UNC13C: variants seen among roughly 807,000 people sequenced by gnomAD.
UNC13C encodes protein unc-13 homolog C.
UNC13C carries 174 observed loss-of-function variants against 245.4 expected under a neutral mutation model. That is an observed-to-expected ratio of 0.71 (90% confidence interval 0.63 to 0.80). UNC13C has a LOEUF of 0.80. Among genes scored for constraint, UNC13C ranks in the 30% least tolerant of loss-of-function variants. The probability of loss-of-function intolerance (pLI) is 0.00; values close to 1 mark genes in which losing one functional copy is unlikely to be tolerated. For synonymous variants in UNC13C, 992 were observed against 895.1 expected (o/e 1.11, Z -1.93); for missense variants, 2,829 against 2,602.9 (o/e 1.09, Z -1.89).
rs1895177003 is a variant in UNC13C at position 54,520,693 on chromosome 15, G to A, written c.5458-4856G>A. On this transcript the variant is annotated intron_variant, in intron 24 of 32. Coordinates refer to ENST00000260323, the MANE Select transcript of UNC13C (RefSeq NM_001080534.3). ...GTTAGAGAAGCAGGGAAGGACCTTGGGAAACAGAGCAAACAACAGTATGAA... is the reference window on the plus strand; with the variant it reads ...GTTAGAGAAGCAGGGAAGGACCTTGAGAAACAGAGCAAACAACAGTATGAA... 2.0e-5 allele frequency among the ~76,000 whole-genome samples: 3 copies of A among 152,070 alleles called. No homozygotes were observed. In the South Asian group the frequency reaches 6.2e-4, roughly 32 times the overall value.
chr15:53,988,461 T>G (rs1894242255), intron 1 of UNC13C, among the ~76,000 whole-genome samples: 1 of 151,912 alleles, frequency 6.6e-6, no homozygotes, highest in Non-Finnish European at 1.5e-5. Flanking sequence ...AAGAAGCCTT[T>G]GGGTACTTTG....
chr15:54,367,024 A>G (rs1363387167), intron 17 of UNC13C, among the ~76,000 whole-genome samples: 4 of 152,192 alleles, frequency 2.6e-5, no homozygotes, highest in African/African-American at 9.7e-5. Context: ...CAGTGACCTT[A>G]TGATGCATGT....
chr15:53,970,379 C>A, the UNC13C span, among the ~76,000 whole-genome samples: 5 of 152,052 alleles, frequency 3.3e-5, no homozygotes, highest in African/African-American at 1.2e-4. Flanking sequence ...ATTTTCTTTC[C>A]TTTTTAAGGC....
intron 13 of UNC13C, among the ~76,000 whole-genome samples, chr15:54,305,002 G>C (rs940416587): frequency 1.3e-5 from 2 of 151,978 alleles, no homozygotes; most frequent in African/African-American, 4.8e-5. Flanking sequence ...ATCCAGGAAA[G>C]AGAATAGAAT....
At chr15:54,428,882 G>A (rs1279582333) in intron 19 of UNC13C, among the ~76,000 whole-genome samples, 6 of 151,490 alleles carry the variant, frequency 4.0e-5, no homozygotes, top group East Asian at 2.0e-4. Flanking sequence ...ACCCTTTCTC[G>A]GATTGGTGGT....
chr15:54,053,621 C>A (rs1007801634), intron 2 of UNC13C, among the ~76,000 whole-genome samples: 4 of 152,124 alleles, frequency 2.6e-5, no homozygotes, highest in Non-Finnish European at 4.4e-5. Context: ...ATAATTTATC[C>A]TTTCTTTGTG....
chr15:54,414,810 T>C (rs555247237), intron 18 of UNC13C, among the ~76,000 whole-genome samples, 172 bp from the exon 19 acceptor site: 3 of 152,024 alleles, frequency 2.0e-5, no homozygotes, highest in African/African-American at 7.2e-5. Context: ...CATTAAACTC[T>C]AGTGTGTAAC....
chr15:54,050,536 T>C, intron 2 of UNC13C: 3 of 475,624 alleles, frequency 6.3e-6, no homozygotes, highest in South Asian at 5.1e-5. Flanking sequence ...TGCTTCATCA[T>C]TCTATCTTCC....
chr15:54,580,732 A>G (rs1006323984), intron 30 of UNC13C, among the ~76,000 whole-genome samples: 2 of 152,202 alleles, frequency 1.3e-5, no homozygotes, highest in African/African-American at 4.8e-5. Flanking sequence ...TCTGTCTCAG[A>G]GGTGACTCTT....
chr15:54,072,196 C>A (rs990970347), intron 2 of UNC13C, among the ~76,000 whole-genome samples: 2 of 152,128 alleles, frequency 1.3e-5, no homozygotes, highest in African/African-American at 4.8e-5. Flanking sequence ...GGGTAGTGAG[C>A]AGGGGTGCAT....
At chr15:54,241,148 G>A (rs958705862) in intron 7 of UNC13C, among the ~76,000 whole-genome samples, 2 of 152,136 alleles carry the variant, frequency 1.3e-5, no homozygotes, top group Non-Finnish European at 2.9e-5. Context: ...GGTAGAGGGA[G>A]AAATGAAAAT....
At chr15:54,195,204 T>C (rs1382973679) in intron 4 of UNC13C, among the ~76,000 whole-genome samples, 1 of 152,020 alleles carries the variant, frequency 6.6e-6, no homozygotes, top group African/African-American at 2.4e-5. Context: ...AGCTGTACCA[T>C]AAACAACTCT....
At chr15:54,023,130 G>T (rs1595728353) in intron 2 of UNC13C, among the ~76,000 whole-genome samples, 1 of 152,160 alleles carries the variant, frequency 6.6e-6, no homozygotes, top group East Asian at 1.9e-4. Flanking sequence ...TTTCATACTT[G>T]TCACCATAGC....
At chr15:54,593,390 T>G (rs2141258779) in intron 30 of UNC13C, among the ~76,000 whole-genome samples, 1 of 152,298 alleles carries the variant, frequency 6.6e-6, no homozygotes, top group East Asian at 1.9e-4. Context: ...CCTCGATTAT[T>G]TCTCCAAATA....
chr15:54,185,692 A>G lies in UNC13C; in HGVS notation c.3071+42008A>G, dbSNP rs896558532. 1.2e-4 allele frequency among the ~76,000 whole-genome samples: 18 copies of G among 147,806 alleles called. 1 individual carries two copies. The highest frequency in any genetic ancestry group is 4.7e-4 in the African/African-American group (18 of 38,006). On this transcript the variant is annotated intron_variant, in intron 4 of 32. Transcript: ENST00000260323. ...ACTGTAGCCTTGTAGTAGAGTTTGAAGTCAGGTAGCGTGATGCCTCCAGCT... is the reference window on the plus strand; with the variant it reads ...ACTGTAGCCTTGTAGTAGAGTTTGAGGTCAGGTAGCGTGATGCCTCCAGCT...
intron 2 of UNC13C, among the ~76,000 whole-genome samples, chr15:54,089,483 C>G (rs1484400586): frequency 2.0e-5 from 3 of 152,124 alleles, no homozygotes; most frequent in Non-Finnish European, 4.4e-5. Context: ...GCTGTATCCT[C>G]TTCAAGGTTA....
intron 2 of UNC13C, among the ~76,000 whole-genome samples, chr15:54,062,815 C>T (rs968341249): frequency 3.9e-5 from 6 of 152,222 alleles, no homozygotes; most frequent in Admixed American, 2.0e-4. Flanking sequence ...GGGACCTACT[C>T]ATGTAATAAT....
chr15:53,966,423 A>C, the UNC13C span, among the ~76,000 whole-genome samples: 1 of 152,154 alleles, frequency 6.6e-6, no homozygotes, highest in African/African-American at 2.4e-5. Flanking sequence ...TCTATTCCTC[A>C]AGGAGATATC....
At chr15:54,424,565 T>C (rs2040719138) in intron 19 of UNC13C, among the ~76,000 whole-genome samples, 1 of 151,826 alleles carries the variant, frequency 6.6e-6, no homozygotes, top group African/African-American at 2.4e-5. Flanking sequence ...CATTTATGCT[T>C]TAGATCAAAC....
Sources: gnomAD v4.1 joint callset for allele counts (sites outside exome capture counted in the v4.1 genomes callset) on GRCh38, gnomAD v4.1.1 for gene constraint, MANE v1.5 for transcripts, NCBI Gene and HGNC (gene_info 2026-07-23, HGNC 2026-07-21) for gene names.